PINK1: variants seen among roughly 807,000 people sequenced by gnomAD.
The protein encoded by PINK1 is PTEN induced kinase 1, also known as serine/threonine-protein kinase PINK1, mitochondrial.
Under a neutral mutation model 56.0 loss-of-function variants are expected in PINK1, and 58 were observed. That is an observed-to-expected ratio of 1.04 (90% confidence interval 0.84 to 1.29). The LOEUF is 1.29. Among genes scored for constraint, PINK1 ranks in the 50% most tolerant of loss-of-function variants. The pLI is 0.00. For missense variants in PINK1, 745 were observed against 777.9 expected, an observed-to-expected ratio of 0.96 and a Z score of 0.50; for synonymous variants, 354 against 339.3, an observed-to-expected ratio of 1.04 and a Z score of -0.48.
In PINK1 at chr1:20,638,161, A is replaced by G. The variant is rs113011436; in HGVS notation, c.675+32A>G. On this transcript the variant is annotated intron_variant, in intron 2 of 7. Transcript: ENST00000321556. ...ACCAGGCCTTTCATCTTTAAAGGAG[A>G]TGTTCTCAAAATGCCCATCTTAGTG... 31 of 1,600,710 alleles carry G rather than the reference A, an allele frequency of 1.9e-5. 2 individuals are homozygous for G. Among genetic ancestry groups the G allele is most frequent in the African/African-American group, 1.9e-4 (14 of 74,966 alleles).
intron 2 of PINK1, chr1:20,639,310 A>G: frequency 5.7e-6 from 1 of 175,560 alleles, no homozygotes; most frequent in Admixed American, 5.4e-5. Flanking sequence ...CAGCTGTTGC[A>G]TTCACAGCAG....
In PINK1 at chr1:20,644,575, C is replaced by A. The variant is rs754928971; in HGVS notation, c.862C>A (p.Leu288Met). 9.3e-6 allele frequency: 15 copies of A among 1,614,132 alleles called. No individual in the cohort carries two copies. Among genetic ancestry groups the A allele is most frequent in the African/African-American group, 1.3e-5 (1 of 74,950 alleles). The change falls in exon 4 of 8, where the codon CTG becomes ATG. Residue 288 changes from leucine to methionine, a missense_variant. Physicochemically the swap from Leu to Met is conservative, Grantham distance 15. Transcript: ENST00000321556. ...CGCCTTCACCTCTTCCGTGCCGCTG[C>A]TGCCAGGGGCCCTGGTCGACTACCC... ...LRAFTSSVPLLPGALVDYPDV... is the reference protein window; with the variant it reads ...LRAFTSSVPLMPGALVDYPDV...
rs182142092 is a variant in PINK1, at chr1:20,641,703, G to A, written c.776+1711G>A. ...CTCCTGGGGCCCAGAGATTGAAGGC[G>A]CTTAACCTGCTCATCTCACCACGTC... On this transcript the variant is annotated intron_variant, in intron 3 of 7. Transcript: ENST00000321556. The surrounding 1 kb of genome is among the most constrained non-coding windows in gnomAD (Gnocchi z 4.0). Among the ~76,000 whole-genome samples, 152 of 152,118 alleles carry A rather than the reference G, an allele frequency of 1.0e-3. No individual in the cohort carries two copies. Among genetic ancestry groups the A allele is most frequent in the African/African-American group, 3.4e-3 (140 of 41,496 alleles).
rs2053270293 is a variant in PINK1 at position 20,651,234 on chromosome 1, T to C, written c.*543T>C. 5.8e-6 allele frequency: 1 copy of C among 173,362 alleles called. No individual in the cohort carries two copies. Among genetic ancestry groups the C allele is most frequent in the Non-Finnish European group, 1.3e-5 (1 of 79,394 alleles). 10.7% of individuals were successfully genotyped at this position (173,362 alleles called of 1,614,324 possible). On this transcript the variant is annotated 3_prime_UTR_variant, in exon 8 of 8. Coordinates refer to ENST00000321556, the MANE Select transcript of PINK1 (RefSeq NM_032409.3). ...CGGATGAGCAGTAAGTAAGTAAGTG[T>C]GGGGATTTAAACTTGAGGGTTTCCC...
At position 20,637,920 on chromosome 1, in the gene PINK1, T is replaced by C. The variant is rs781425640; in HGVS notation, c.466T>C (p.Tyr156His). Residue 156 changes from tyrosine (Y) to histidine (H), a missense_variant, in exon 2 of 8, where the codon TAT (tyrosine) becomes CAT (histidine). Tyr to His is a moderately conservative substitution (Grantham distance 83). Coordinates refer to ENST00000321556, the MANE Select transcript of PINK1 (RefSeq NM_032409.3). ...RRLQGFRLEE[Y>H]LIGQSIGKGC... ...CTTGCAGGGCTTTCGGCTGGAGGAG[T>C]ATCTGATAGGGCAGTCCATTGGTAA... The C allele has an allele frequency of 1.2e-6, 2 of 1,613,952 alleles. No homozygotes were observed. The highest frequency in any genetic ancestry group is 1.7e-5 in the Admixed American group (1 of 60,000).
intron 5 of PINK1, among the ~76,000 whole-genome samples, chr1:20,646,887 T>C (rs1027226190): frequency 2.4e-4 from 37 of 151,886 alleles, no homozygotes; most frequent in Admixed American, 3.9e-4. Flanking sequence ...TATTTATTTA[T>C]TTATTTATTT....
At position 20,644,526 on chromosome 1, in the gene PINK1, C is replaced by T. The variant is rs28940284; in HGVS notation, c.813C>T (p.His271=). ...GAGGTCCCAAGCAACTAGCCCCTCA[C>T]CCCAACATCATCCGGGTTCTCCGCG... ...SKRGPKQLAP[H]PNIIRVLRAF... Residue 271 remains histidine (H), a synonymous_variant, in exon 4 of 8, where the codon CAC becomes CAT. Transcript: ENST00000321556. 2 of 1,614,232 alleles carry T rather than the reference C, an allele frequency of 1.2e-6. No homozygotes were observed. Among genetic ancestry groups the T allele is most frequent in the East Asian group, 2.2e-5 (1 of 44,884 alleles).
intron 1 of PINK1, 31 bp from the exon 2 acceptor site, chr1:20,637,811 T>C: frequency 6.2e-7 from 1 of 1,612,894 alleles, no homozygotes; most frequent in Non-Finnish European, 8.5e-7. Flanking sequence ...CTAGGCTCCC[T>C]GGCTCACGGT....
At chr1:20,646,890 A>G (rs1210285630) in intron 5 of PINK1, among the ~76,000 whole-genome samples, 1 of 151,622 alleles carries the variant, frequency 6.6e-6, no homozygotes, top group Non-Finnish European at 1.5e-5. Flanking sequence ...TTATTTATTT[A>G]TTTATTTGAG....
chr1:20,635,157 C>T (rs2053043430), intron 1 of PINK1, among the ~76,000 whole-genome samples: 1 of 152,216 alleles, frequency 6.6e-6, no homozygotes, highest in Admixed American at 6.5e-5. Flanking sequence ...TCGCACACTT[C>T]ACCCTCCTAT....
chr1:20,645,987 A>G (rs965711530), intron 5 of PINK1, among the ~76,000 whole-genome samples: 3 of 152,108 alleles, frequency 2.0e-5, no homozygotes, highest in Non-Finnish European at 2.9e-5. Context: ...CTAGGTAAAT[A>G]AAGAGGCCCG....
chr1:20,650,789 A>G lies in PINK1; in HGVS notation c.*98A>G. On this transcript the variant is annotated 3_prime_UTR_variant, in exon 8 of 8. Coordinates refer to ENST00000321556, the MANE Select transcript of PINK1 (RefSeq NM_032409.3). ...GAGGGTGGGAGTCAGGAGACAAGAC[A>G]GCGCAGAGAGGGCTGGTTAGCCGGA... 1 of 1,499,258 alleles carries G rather than the reference A, an allele frequency of 6.7e-7. No individual in the cohort carries two copies. The highest frequency in any genetic ancestry group is 1.4e-5 in the African/African-American group (1 of 72,572). 92.9% of individuals were successfully genotyped at this position (1,499,258 alleles called of 1,614,324 possible).
At position 20,645,569 on chromosome 1, in the gene PINK1, T is replaced by A. The variant is rs778010106; in HGVS notation, c.969T>A (p.Cys323Ter). 3 of 1,612,872 alleles carry A rather than the reference T, an allele frequency of 1.9e-6. No homozygotes were observed. The highest frequency in any genetic ancestry group is 2.5e-6 in the Non-Finnish European group (3 of 1,179,836). Residue 323 changes from cysteine (C) to a stop codon, truncating the protein, a stop_gained, in exon 5 of 8, where the codon TGT becomes TGA. Coordinates refer to ENST00000321556, the MANE Select transcript of PINK1 (RefSeq NM_032409.3). LOFTEE classifies it high-confidence loss of function. ...CTCCCCTCTCCGCCAGCTATCCCTG[T>A]ACCCTGCGCCAGTACCTTTGTGTGA... Reference protein sequence around the residue: ...TLFLVMKNYPCTLRQYLCVNT... With the variant: ...TLFLVMKNYP
chr1:20,648,586 G>A lies in PINK1; in HGVS notation c.1205G>A (p.Ser402Asn), dbSNP rs200728364. 6.2e-7 allele frequency: 1 copy of A among 1,614,160 alleles called. No individual in the cohort carries two copies. The highest frequency in any genetic ancestry group is 2.2e-5 in the East Asian group (1 of 44,882). The change falls in exon 6 of 8, where the codon AGC becomes AAC. Residue 402 changes from serine to asparagine, a missense_variant. Physicochemically the swap from Ser to Asn is conservative, Grantham distance 46. Coordinates refer to ENST00000321556, the MANE Select transcript of PINK1 (RefSeq NM_032409.3). Reference protein sequence around the residue: ...ESIGLQLPFSSWYVDRGGNGC... With the variant: ...ESIGLQLPFSNWYVDRGGNGC... ...ATCGGCCTGCAGTTGCCCTTCAGCA[G>A]CTGGTACGTGGATCGGGGCGGAAAC...
chr1:20,648,636 A>G lies in PINK1; in HGVS notation c.1251+4A>G. On this transcript the variant is annotated splice_donor_region_variant and intron_variant, in intron 6 of 7. Transcript: ENST00000321556. ...CGGCTGTCTGATGGCCCCAGAGGTG[A>G]GTCCCGAGTGTGTCATGCGCCATCG... 1 of 1,613,594 alleles carries G rather than the reference A, an allele frequency of 6.2e-7. No homozygotes were observed. The highest frequency in any genetic ancestry group is 1.1e-5 in the South Asian group (1 of 91,074).
chr1:20,646,849 G>A (rs2053187917), intron 5 of PINK1, among the ~76,000 whole-genome samples: 1 of 135,454 alleles, frequency 7.4e-6, no homozygotes, highest in Admixed American at 8.0e-5. Context: ...AGAGGAACTG[G>A]CTTTTATTAT....
chr1:20,645,606 C>G lies in PINK1; in HGVS notation c.1006C>G (p.Pro336Ala), dbSNP rs1453237796. 6 of 1,614,058 alleles carry G rather than the reference C, an allele frequency of 3.7e-6. No individual in the cohort carries two copies. In the African/African-American group the frequency reaches 6.7e-5, roughly 18 times the overall value. The part of the protein sequence containing the change: ...RQYLCVNTPS[P>A]RLAAMMLLQL... ...GTACCTTTGTGTGAACACACCCAGC[C>G]CCCGCCTCGCCGCCATGATGCTGCT... The change falls in exon 5 of 8, where the codon CCC (proline) becomes GCC (alanine). Residue 336 changes from proline (P) to alanine (A), a missense_variant. Physicochemically the swap from Pro to Ala is conservative, Grantham distance 27. Transcript: ENST00000321556.
rs764116037 is a variant in PINK1, at chr1:20,638,092, C to A, written c.638C>A (p.Ala213Asp). The change falls in exon 2 of 8, where the codon GCC (alanine) becomes GAC (aspartate). Residue 213 changes from alanine (A) to aspartate (D), a missense_variant. Physicochemically the swap from Ala to Asp is moderately radical, Grantham distance 126 (BLOSUM62 -2). Coordinates refer to ENST00000321556, the MANE Select transcript of PINK1 (RefSeq NM_032409.3). ...CAGGAGCGAGCTCCGGGGGCCCCTGCCTTCCCCTTGGCCATCAAGATGATG... is the reference window on the plus strand; with the variant it reads ...CAGGAGCGAGCTCCGGGGGCCCCTGACTTCCCCTTGGCCATCAAGATGATG... ...EGQERAPGAP[A>D]FPLAIKMMWN... 1 of 1,613,692 alleles carries A rather than the reference C, an allele frequency of 6.2e-7. No homozygotes were observed. The highest frequency in any genetic ancestry group is 1.3e-5 in the African/African-American group (1 of 75,058).
At chr1:20,647,036 C>T (rs6662932) in intron 5 of PINK1, among the ~76,000 whole-genome samples, 43,475 of 147,458 alleles carry the variant, frequency 0.29, 6,653 homozygotes, top group South Asian at 0.42. Flanking sequence ...GGTGCCACCA[C>T]GCCTAGCTAA....
Sources: allele counts gnomAD v4.1 joint callset (sites outside exome capture counted in the v4.1 genomes callset), GRCh38; gene constraint gnomAD v4.1.1; non-coding constraint Gnocchi (gnomAD v3.1); transcripts MANE v1.5; gene names NCBI Gene and HGNC (gene_info 2026-07-23, HGNC 2026-07-21).